The following LRRTM4 variants were observed in gnomAD, a reference collection of about 807,000 sequenced individuals.
LRRTM4 encodes leucine-rich repeat transmembrane neuronal protein 4.
A neutral mutation model predicts 47.6 loss-of-function variants in LRRTM4; 25 were observed. The ratio of observed to expected loss-of-function variants is 0.53; its 90% CI spans 0.38 to 0.73. The LOEUF is 0.73. Ranked by LOEUF, LRRTM4 falls within the 30% of genes least tolerant of loss-of-function variation. LRRTM4 has a pLI of 0.00. For synonymous variants in LRRTM4, 311 were observed against 269.5 expected (o/e 1.15, Z -1.51); for missense variants, 638 against 713.4 (o/e 0.89, Z 1.20).
chr2:77,262,129 A>G (rs112273944), intron 3 of LRRTM4, among the ~76,000 whole-genome samples: 6 of 152,230 alleles, frequency 3.9e-5, no homozygotes, highest in African/African-American at 1.4e-4. Context: ...AGTGTCTCCC[A>G]TCACCTACAG....
At chr2:77,028,131 G>A (rs142805544) in intron 3 of LRRTM4, among the ~76,000 whole-genome samples, 64 of 152,060 alleles carry the variant, frequency 4.2e-4, no homozygotes, top group African/African-American at 1.5e-3. Context: ...GGCTCTATAT[G>A]GACAAAAATT....
intron 3 of LRRTM4, among the ~76,000 whole-genome samples, chr2:77,202,673 A>G (rs1004639973): frequency 8.6e-5 from 13 of 151,966 alleles, no homozygotes; most frequent in African/African-American, 2.9e-4. Flanking sequence ...TACTAGATGA[A>G]TATTACTGGA....
chr2:77,200,465 T>G (rs1459708395), intron 3 of LRRTM4, among the ~76,000 whole-genome samples: 2 of 152,134 alleles, frequency 1.3e-5, no homozygotes, highest in East Asian at 3.9e-4. Context: ...TATAAACTCT[T>G]CTTCAATTCA....
chr2:77,229,359 C>G (rs1674901752), intron 3 of LRRTM4, among the ~76,000 whole-genome samples: 2 of 152,214 alleles, frequency 1.3e-5, no homozygotes, highest in Non-Finnish European at 2.9e-5. Flanking sequence ...TTTATCCAAA[C>G]AATTTCTTAA....
At chr2:77,221,330 G>A (rs190165672) in intron 3 of LRRTM4, among the ~76,000 whole-genome samples, 29,854 of 152,036 alleles carry the variant, frequency 0.2, 5,637 homozygotes, top group African/African-American at 0.49. Context: ...ACATCATCAT[G>A]ACAGGATCAA....
intron 3 of LRRTM4, among the ~76,000 whole-genome samples, chr2:76,955,192 C>T (rs1366367880): frequency 6.6e-6 from 1 of 151,704 alleles, no homozygotes; most frequent in Non-Finnish European, 1.5e-5. Flanking sequence ...TATGGTAATT[C>T]TGTAATGGTG....
chr2:77,372,369 A>G (rs139908561), intron 3 of LRRTM4, among the ~76,000 whole-genome samples: 93 of 151,894 alleles, frequency 6.1e-4, no homozygotes, highest in African/African-American at 2.2e-3. Context: ...TTTTTTGGTA[A>G]GTTGACTGAA....
chr2:77,265,003 C>T (rs1017610091), intron 3 of LRRTM4, among the ~76,000 whole-genome samples: 10 of 152,016 alleles, frequency 6.6e-5, no homozygotes, highest in Non-Finnish European at 1.3e-4. Flanking sequence ...TTATAATGAG[C>T]CATTCACCAA....
intron 3 of LRRTM4, among the ~76,000 whole-genome samples, chr2:76,782,661 C>A (rs1674466368): frequency 6.6e-6 from 1 of 152,050 alleles, no homozygotes; most frequent in Admixed American, 6.6e-5. Flanking sequence ...CATTTTGATA[C>A]CTGTTAACTT....
At chr2:76,820,893 C>T (rs907880096) in intron 3 of LRRTM4, among the ~76,000 whole-genome samples, 3 of 122,402 alleles carry the variant, frequency 2.5e-5, no homozygotes, top group Non-Finnish European at 3.4e-5. Context: ...CATTTCATTT[C>T]ACCCGTTCTC....
chr2:76,774,277 T>G (rs1490627585), intron 3 of LRRTM4, among the ~76,000 whole-genome samples: 1 of 152,014 alleles, frequency 6.6e-6, no homozygotes, highest in Admixed American at 6.6e-5. Flanking sequence ...TTCCAACTTC[T>G]GACTCCCCGG....
chr2:77,309,012 AAAAC>A lies in LRRTM4; in HGVS notation c.1551+209302_1551+209305del, dbSNP rs529159222. On this transcript the variant is annotated intron_variant, in intron 3 of 3. Transcript: ENST00000409884. ...TCCTGGCATAGATAATACAAATTGCAAAACAAACAGAAATGTAAATAAAAGGAAG... is the reference window on the plus strand; with the variant it reads ...TCCTGGCATAGATAATACAAATTGCAAAACAGAAATGTAAATAAAAGGAAG... Among the ~76,000 whole-genome samples the A allele has an allele frequency of 2.6e-4, 39 of 152,334 alleles. No individual in the cohort carries two copies. In the South Asian group the frequency reaches 8.1e-3, roughly 32 times the overall value.
chr2:77,026,720 A>C (rs1678466867), intron 3 of LRRTM4, among the ~76,000 whole-genome samples: 1 of 152,054 alleles, frequency 6.6e-6, no homozygotes, highest in Non-Finnish European at 1.5e-5. Context: ...TATTATACAC[A>C]TATACAAACA....
chr2:76,828,174 G>A (rs2103884146), intron 3 of LRRTM4, among the ~76,000 whole-genome samples: 1 of 152,018 alleles, frequency 6.6e-6, no homozygotes, highest in East Asian at 1.9e-4. Flanking sequence ...ATTGAATGAT[G>A]TGAGGGTAAG....
chr2:76,901,033 TG>T (rs1304378657), intron 3 of LRRTM4, among the ~76,000 whole-genome samples: 3 of 151,992 alleles, frequency 2.0e-5, no homozygotes, highest in African/African-American at 7.3e-5. Flanking sequence ...TGAGAAAAAT[TG>T]TTTTTTTAAT....
At chr2:76,937,394 G>A (rs1456377797) in intron 3 of LRRTM4, among the ~76,000 whole-genome samples, 2 of 152,178 alleles carry the variant, frequency 1.3e-5, no homozygotes, top group African/African-American at 2.4e-5. Flanking sequence ...TGACAATGAT[G>A]TGATGGGAAA....
chr2:77,043,314 T>C (rs983748260), intron 3 of LRRTM4, among the ~76,000 whole-genome samples: 1 of 151,750 alleles, frequency 6.6e-6, no homozygotes, highest in African/African-American at 2.4e-5. Flanking sequence ...TGCTTAAATT[T>C]TCTCCACTAC....
chr2:77,368,903 C>A (rs1672554715), intron 3 of LRRTM4, among the ~76,000 whole-genome samples: 1 of 151,620 alleles, frequency 6.6e-6, no homozygotes, highest in Non-Finnish European at 1.5e-5. Context: ...ATTTTAATTT[C>A]TTTAGGAACC....
chr2:76,862,525 T>C (rs1672342799), intron 3 of LRRTM4, among the ~76,000 whole-genome samples: 1 of 152,168 alleles, frequency 6.6e-6, no homozygotes, highest in African/African-American at 2.4e-5. Flanking sequence ...CTGAAGGTCA[T>C]TGCTCTGGAC....
Sources: allele counts gnomAD v4.1 joint callset (sites outside exome capture counted in the v4.1 genomes callset), GRCh38; gene constraint gnomAD v4.1.1; transcripts MANE v1.5; gene names NCBI Gene and HGNC (gene_info 2026-07-23, HGNC 2026-07-21).